The following PLA2G6 variants were observed in gnomAD, a reference collection of about 807,000 sequenced individuals.
The protein encoded by PLA2G6 is 85/88 kDa calcium-independent phospholipase A2.
Under a neutral mutation model 83.8 loss-of-function variants are expected in PLA2G6, and 62 were observed. The observed-to-expected ratio is 0.74, with a 90% CI of 0.60 to 0.91. The LOEUF (loss-of-function observed/expected upper bound fraction) is 0.91. Ranked by LOEUF, PLA2G6 falls within the 40% of genes least tolerant of loss-of-function variation. The pLI, the probability that PLA2G6 is intolerant of heterozygous loss-of-function variation, is 0.00. For synonymous variants in PLA2G6, 417 were observed against 449.8 expected (o/e 0.93, Z 0.92); for missense variants, 944 against 1,102.0 (o/e 0.86, Z 2.03).
chr22:38,126,791 T>C (rs1463462966), intron 9 of PLA2G6: 8 of 367,856 alleles, frequency 2.2e-5, no homozygotes, highest in Non-Finnish European at 4.2e-5. Context: ...ACAAAGTGCT[T>C]CTTCTTGCAT....
At chr22:38,122,390 C>T (rs551016653) in intron 11 of PLA2G6, among the ~76,000 whole-genome samples, 54 of 152,276 alleles carry the variant, frequency 3.5e-4, no homozygotes, top group Middle Eastern at 3.4e-3. Context: ...GTGCCCCTCC[C>T]CACCTGTCAG....
chr22:38,176,937 T>C (rs1027189181), intron 1 of PLA2G6, among the ~76,000 whole-genome samples: 1 of 151,238 alleles, frequency 6.6e-6, no homozygotes, highest in African/African-American at 2.4e-5. Flanking sequence ...TCACAGCTAC[T>C]TGGGAGGCTG....
intron 6 of PLA2G6, chr22:38,133,325 A>G (rs760252677): frequency 7.9e-5 from 36 of 457,728 alleles, no homozygotes; most frequent in Non-Finnish European, 1.4e-4. Flanking sequence ...GTCCTGAAGC[A>G]CCCCGCTCCC....
intron 2 of PLA2G6, among the ~76,000 whole-genome samples, chr22:38,165,572 T>C (rs761020382): frequency 2.0e-5 from 3 of 152,162 alleles, no homozygotes; most frequent in African/African-American, 4.8e-5. Context: ...GCACCTGATG[T>C]GTTAAGAAAA....
chr22:38,132,480 C>A lies in PLA2G6; in HGVS notation c.1077+351G>T, dbSNP rs895768126. 1 of 413,830 alleles carries A rather than the reference C, an allele frequency of 2.4e-6. No homozygotes were observed. The highest frequency in any genetic ancestry group is 4.5e-6 in the Non-Finnish European group (1 of 223,328). The allele number at this position is 413,830 out of a possible 1,614,324, so 25.6% of individuals were successfully genotyped here. ...CAACTCTTCCAGATAAGTATTGACA[C>A]CACCATTTTCCAGATGAGGAAATCG... On this transcript the variant is annotated intron_variant, in intron 7 of 16. Transcript: ENST00000332509. The surrounding 1 kb of genome is among the most constrained non-coding windows in gnomAD (Gnocchi z 5.0).
chr22:38,151,863 G>A (rs1018069379), intron 2 of PLA2G6, among the ~76,000 whole-genome samples: 16 of 152,234 alleles, frequency 1.1e-4, no homozygotes, highest in African/African-American at 3.1e-4. Flanking sequence ...ACTTTGCCCC[G>A]CTTGTTGTTG....
chr22:38,126,649 T>A (rs2145739212), intron 9 of PLA2G6, 200 bp from the exon 10 acceptor site: 1 of 597,290 alleles, frequency 1.7e-6, no homozygotes, highest in East Asian at 3.0e-5. Context: ...AGGAGAGAAA[T>A]GGGCTGGAGT....
chr22:38,127,418 C>G, intron 9 of PLA2G6: 1 of 1,327,134 alleles, frequency 7.5e-7, no homozygotes, highest in South Asian at 1.2e-5. Context: ...CATCTGACGC[C>G]GCACCCCAGG....
Position 38,115,689 on chromosome 22 carries a change from C to A in PLA2G6, c.1880-8G>T. The A allele has an allele frequency of 3.1e-6, 5 of 1,596,244 alleles. No homozygotes were observed. The highest frequency in any genetic ancestry group is 3.4e-6 in the Non-Finnish European group (4 of 1,172,384). On this transcript the variant is annotated splice_region_variant and splice_polypyrimidine_tract_variant and intron_variant, in intron 13 of 16. Transcript: ENST00000332509. ...CCCGCCACACCAGCTGGTCTAGGGG[C>A]GGGGAAGGAGGGCGGCCCAGTGGCA...
At position 38,140,056 on chromosome 22, in the gene PLA2G6, C is replaced by A. The variant is rs377363906; in HGVS notation, c.723G>T (p.Leu241=). 1 of 1,613,750 alleles carries A rather than the reference C, an allele frequency of 6.2e-7. No homozygotes were observed. The highest frequency in any genetic ancestry group is 8.5e-7 in the Non-Finnish European group (1 of 1,179,852). The part of the protein sequence containing the change: ...GKQEMVRVLL[L]CNARCNIMGP... Reference sequence around the variant, plus strand: ...CCATGATGTTGCACCGAGCATTGCACAGCAGCAGCACGCGGACCATCTCCT... The same window carrying A: ...CCATGATGTTGCACCGAGCATTGCAAAGCAGCAGCACGCGGACCATCTCCT... The change falls in exon 5 of 17, where the codon CTG becomes CTT. Residue 241 remains leucine, a synonymous_variant. Transcript: ENST00000332509.
In PLA2G6 at chr22:38,145,496, C is replaced by A; in HGVS notation, c.367G>T (p.Ala123Ser). The change falls in exon 3 of 17, where the codon GCC becomes TCC. Residue 123 changes from alanine to serine, a missense_variant. Transcript: ENST00000332509. The stretch of plus-strand genomic sequence containing the variant: ...ATCCCTAGCTCCACAGCCAGGTGGG[C>A]CACTGACCAGCTGGGGTGGTTACGG... ...LIRNHPSWSV[A>S]HLAVELGIRE... is the part of the protein sequence containing the mutation. 6.2e-7 allele frequency: 1 copy of A among 1,612,694 alleles called. No individual in the cohort carries two copies. Among genetic ancestry groups the A allele is most frequent in the Non-Finnish European group, 8.5e-7 (1 of 1,179,654 alleles).
chr22:38,126,591 C>G, intron 9 of PLA2G6, 142 bp from the exon 10 acceptor site: 1 of 687,066 alleles, frequency 1.5e-6, no homozygotes, highest in Admixed American at 2.0e-5. Context: ...TCTGTCCCTT[C>G]CCCACAGGAA....
chr22:38,139,119 AAG>A (rs1250059982), intron 5 of PLA2G6: 1 of 152,220 alleles, frequency 6.6e-6, no homozygotes, highest in Non-Finnish European at 1.5e-5. Context: ...CCAGAAAGGA[AAG>A]AGGCATCTAG....
rs1259457371 is a variant in PLA2G6, at chr22:38,177,706, C to T, written c.-46+3958G>A. 4.6e-5 allele frequency among the ~76,000 whole-genome samples: 7 copies of T among 152,180 alleles called. No homozygotes were observed. In the East Asian group the frequency reaches 5.8e-4, roughly 13 times the overall value. On this transcript the variant is annotated intron_variant, in intron 1 of 16. Coordinates refer to ENST00000332509, the MANE Select transcript of PLA2G6 (RefSeq NM_003560.4). ...CTTGAACTCCTGACCTCCGGTGATCCGCCCACCTCCACCTCCCAAAGTGCT... is the reference window on the plus strand; with the variant it reads ...CTTGAACTCCTGACCTCCGGTGATCTGCCCACCTCCACCTCCCAAAGTGCT...
intron 10 of PLA2G6, chr22:38,126,119 G>A (rs867233814): frequency 2.3e-5 from 13 of 573,282 alleles, no homozygotes; most frequent in Middle Eastern, 4.3e-4. Flanking sequence ...AGAACACTGC[G>A]CCAGCCCCAC....
Position 38,181,311 on chromosome 22 carries a change from A to G in PLA2G6, c.-46+353T>C, listed in dbSNP as rs542471589. 5.9e-5 allele frequency among the ~76,000 whole-genome samples: 9 copies of G among 152,280 alleles called. No individual in the cohort carries two copies. The South Asian group carries it at 1.7e-3, about 28-fold the overall frequency. Reference sequence around the variant, plus strand: ...AAGGCAGGAGAAGCAGGGAGTGAGAAATGAGTAGAGGCACCACGAAAGGTG... The same window carrying G: ...AAGGCAGGAGAAGCAGGGAGTGAGAGATGAGTAGAGGCACCACGAAAGGTG... On this transcript the variant is annotated intron_variant, in intron 1 of 16. Coordinates refer to ENST00000332509, the MANE Select transcript of PLA2G6 (RefSeq NM_003560.4).
Position 38,112,540 on chromosome 22 carries a change from C to G in PLA2G6, c.2240G>C (p.Arg747Pro). The change falls in exon 16 of 17, where the codon CGG (arginine) becomes CCG (proline). Residue 747 changes from arginine (R) to proline (P), a missense_variant. Transcript: ENST00000332509. ...DPDGRAVDRA[R>P]AWCEMVGIQY... ...GATGCCGACCATCTCGCACCAGGCCCGTGCCCGGTCCACAGCCCGCCCGTC... is the reference window on the plus strand; with the variant it reads ...GATGCCGACCATCTCGCACCAGGCCGGTGCCCGGTCCACAGCCCGCCCGTC... 1 of 1,554,308 alleles carries G rather than the reference C, an allele frequency of 6.4e-7. No individual in the cohort carries two copies. The highest frequency in any genetic ancestry group is 8.7e-7 in the Non-Finnish European group (1 of 1,150,072).
chr22:38,116,515 C>A, intron 12 of PLA2G6: 3 of 511,810 alleles, frequency 5.9e-6, no homozygotes, highest in South Asian at 4.9e-5. Context: ...TTATCAAAAT[C>A]AGGAAAGAAA....
chr22:38,159,750 A>AAGGAAGGG (rs1426916754), intron 2 of PLA2G6, among the ~76,000 whole-genome samples: 1 of 151,886 alleles, frequency 6.6e-6, no homozygotes. Flanking sequence ...GGAAGGAAGG[A>AAGGAAGGG]AGGAAGGAAG....
Sources: allele counts gnomAD v4.1 joint callset (sites outside exome capture counted in the v4.1 genomes callset), GRCh38; gene constraint gnomAD v4.1.1; non-coding constraint Gnocchi (gnomAD v3.1); transcripts MANE v1.5; gene names NCBI Gene and HGNC (gene_info 2026-07-23, HGNC 2026-07-21).